Variants in ADAM12 observed in about 807,000 individuals in gnomAD.
ADAM12 encodes the protein disintegrin and metalloproteinase domain-containing protein 12.
Under a neutral mutation model 106.4 loss-of-function variants are expected in ADAM12, and 70 were observed. That is an observed-to-expected ratio of 0.66 (90% CI 0.54 to 0.80). ADAM12 has a LOEUF of 0.80. ADAM12 is among the 30% of genes least tolerant of loss of function. The pLI, the probability that ADAM12 is intolerant of heterozygous loss-of-function variation, is 0.00. For synonymous variants in ADAM12, 420 were observed against 433.5 expected (o/e 0.97, Z 0.39); for missense variants, 1,010 against 1,171.9 (o/e 0.86, Z 2.02).
In ADAM12 at chr10:126,017,162, T is replaced by C. The variant is rs1245869521; in HGVS notation, c.*117A>G. On this transcript the variant is annotated 3_prime_UTR_variant, in exon 23 of 23. Transcript: ENST00000448723. ...TGACGGCAGTAGCTCAAAGTTCTTA[T>C]AGTAATGATGTTTTAAACATTAAAA... 7 of 907,420 alleles carry C rather than the reference T, an allele frequency of 7.7e-6. No individual in the cohort carries two copies. The highest frequency in any genetic ancestry group is 6.8e-5 in the South Asian group (4 of 58,898). The allele number at this position is 907,420 out of a possible 1,614,324, so 56.2% of individuals were successfully genotyped here. A position where few individuals can be genotyped will look rare whatever the true frequency, so the allele number is the denominator to read the frequency against.
chr10:126,056,537 G>A (rs1164954727), intron 14 of ADAM12, among the ~76,000 whole-genome samples: 1 of 152,160 alleles, frequency 6.6e-6, no homozygotes, highest in African/African-American at 2.4e-5. Flanking sequence ...CTCTGAAACT[G>A]CTGCTGCTTT....
At chr10:126,096,729 G>T (rs1446038105) in intron 10 of ADAM12, among the ~76,000 whole-genome samples, 1 of 152,232 alleles carries the variant, frequency 6.6e-6, no homozygotes, top group Non-Finnish European at 1.5e-5. Flanking sequence ...GAAATCAAAG[G>T]TGCTGAGGCA....
At chr10:126,306,670 A>T (rs1158702436) in intron 2 of ADAM12, among the ~76,000 whole-genome samples, 1 of 152,158 alleles carries the variant, frequency 6.6e-6, no homozygotes, top group Non-Finnish European at 1.5e-5. Flanking sequence ...AGTTTTTCTT[A>T]CATCTTGACC....
At chr10:126,063,534 C>T (rs535250402) in intron 14 of ADAM12, among the ~76,000 whole-genome samples, 37 of 152,348 alleles carry the variant, frequency 2.4e-4, no homozygotes, top group South Asian at 6.2e-4. Flanking sequence ...GGTTTCCCTC[C>T]CGCTAGAGAT....
intron 6 of ADAM12, 80 bp from the exon 7 acceptor site, chr10:126,109,920 C>G: frequency 2.0e-5 from 28 of 1,366,382 alleles, no homozygotes; most frequent in Non-Finnish European, 2.7e-5. Context: ...AATCTAAACA[C>G]TTTAGGTTGA....
At chr10:126,178,859 C>CA (rs1396169510) in intron 3 of ADAM12, among the ~76,000 whole-genome samples, 1 of 152,010 alleles carries the variant, frequency 6.6e-6, no homozygotes, top group African/African-American at 2.4e-5. Context: ...CCAGCCTGGC[C>CA]AACGTGGTGA....
At chr10:126,367,051 T>C (rs12779733) in intron 1 of ADAM12, among the ~76,000 whole-genome samples, 41,979 of 151,232 alleles carry the variant, frequency 0.28, 5,982 homozygotes, top group Middle Eastern at 0.33. Context: ...AATATGAGAT[T>C]TGATAACACC....
At chr10:126,337,123 T>TC (rs1854729724) in intron 1 of ADAM12, among the ~76,000 whole-genome samples, 1 of 152,138 alleles carries the variant, frequency 6.6e-6, no homozygotes, top group Non-Finnish European at 1.5e-5. Flanking sequence ...CAAGGCGACG[T>TC]CCCAGGACAG....
intron 3 of ADAM12, among the ~76,000 whole-genome samples, chr10:126,191,679 T>C (rs1366329226): frequency 6.6e-6 from 1 of 152,184 alleles, no homozygotes; most frequent in East Asian, 1.9e-4. Context: ...AATTCAACAA[T>C]GTTGAATGCT....
intron 21 of ADAM12, among the ~76,000 whole-genome samples, chr10:126,035,723 A>G (rs959115824): frequency 6.6e-6 from 1 of 152,188 alleles, no homozygotes; most frequent in Non-Finnish European, 1.5e-5. Flanking sequence ...CACTCTGTAT[A>G]TAGGTGGTAT....
intron 3 of ADAM12, among the ~76,000 whole-genome samples, chr10:126,166,521 C>A (rs1013372270): frequency 8.0e-6 from 1 of 125,334 alleles, no homozygotes; most frequent in African/African-American, 2.8e-5. Context: ...TTTTTTGAGA[C>A]GGAGTCTCGT....
intron 3 of ADAM12, among the ~76,000 whole-genome samples, chr10:126,181,270 C>T (rs1957307317): frequency 6.6e-6 from 1 of 152,064 alleles, no homozygotes; most frequent in African/African-American, 2.4e-5. Context: ...TGGGGTTTCA[C>T]CATGTTGGCG....
At position 126,049,569 on chromosome 10, in the gene ADAM12, G is replaced by A. The variant is rs148998733; in HGVS notation, c.1710C>T (p.Cys570=). 2.2e-4 allele frequency: 353 copies of A among 1,614,084 alleles called. No homozygotes were observed. Among genetic ancestry groups the A allele is most frequent in the Non-Finnish European group, 2.7e-4 (319 of 1,179,984 alleles). ...GKVSKSSFAK[C]EMRDAKCGKI... is the part of the protein sequence containing the mutation. ...ATGTCTGGATTCCATACCTCATCTCGCATTTGGCAAAGGAACTCTTCGAGA... is the reference window on the plus strand; with the variant it reads ...ATGTCTGGATTCCATACCTCATCTCACATTTGGCAAAGGAACTCTTCGAGA... The change falls in exon 15 of 23, where the codon TGC becomes TGT. Residue 570 remains cysteine (C), a synonymous_variant. Coordinates refer to ENST00000448723, the MANE Select transcript of ADAM12 (RefSeq NM_001288973.2). This position sits in a 1 kb window ranked among gnomAD's most constrained non-coding sequence, Gnocchi z 4.4.
intron 21 of ADAM12, among the ~76,000 whole-genome samples, chr10:126,021,073 G>A (rs1219468235): frequency 1.3e-5 from 2 of 151,930 alleles, no homozygotes; most frequent in Non-Finnish European, 2.9e-5. Flanking sequence ...CATGAGAGAG[G>A]GGTTCATTGG....
At chr10:126,352,871 T>C (rs565013930) in intron 1 of ADAM12, among the ~76,000 whole-genome samples, 51 of 152,316 alleles carry the variant, frequency 3.3e-4, no homozygotes, top group Non-Finnish European at 6.3e-4. Flanking sequence ...GAATGTACAT[T>C]CAAAACAAGC....
At chr10:126,137,947 A>G (rs987667055) in intron 4 of ADAM12, among the ~76,000 whole-genome samples, 2 of 152,180 alleles carry the variant, frequency 1.3e-5, no homozygotes, top group Non-Finnish European at 2.9e-5. Flanking sequence ...ATGGAAACTC[A>G]ATGTTTAACT....
chr10:126,330,823 A>G (rs1040218242), intron 1 of ADAM12, among the ~76,000 whole-genome samples: 1 of 152,228 alleles, frequency 6.6e-6, no homozygotes, highest in Non-Finnish European at 1.5e-5. Flanking sequence ...TGCAAAAGTG[A>G]CTTTTTTGAA....
Position 126,294,399 on chromosome 10 carries a change from C to T in ADAM12, c.187-15411G>A, listed in dbSNP as rs1960281752. Among the ~76,000 whole-genome samples, 3 of 152,116 alleles carry T rather than the reference C, an allele frequency of 2.0e-5. No homozygotes were observed. In the South Asian group the frequency reaches 6.2e-4, roughly 32 times the overall value. On this transcript the variant is annotated intron_variant, in intron 2 of 22. Coordinates refer to ENST00000448723, the MANE Select transcript of ADAM12 (RefSeq NM_001288973.2). ...CACCAAAACCTTAGCGTATTTTCAG[C>T]CTTCGTGGATGATCCCAACTGAAAC...
At chr10:126,236,356 C>T (rs1303136801) in intron 3 of ADAM12, among the ~76,000 whole-genome samples, 2 of 152,142 alleles carry the variant, frequency 1.3e-5, no homozygotes, top group Admixed American at 6.5e-5. Flanking sequence ...GATGGGGAAG[C>T]CCCCGGGATA....
Sources: gnomAD v4.1 joint callset for allele counts (sites outside exome capture counted in the v4.1 genomes callset) on GRCh38, gnomAD v4.1.1 for gene constraint, Gnocchi (gnomAD v3.1) non-coding constraint, MANE v1.5 for transcripts, NCBI Gene and HGNC (gene_info 2026-07-23, HGNC 2026-07-21) for gene names.